Variants in COL24A1 observed in about 807,000 individuals in gnomAD.
COL24A1 encodes the protein collagen alpha-1(XXIV) chain.
A neutral mutation model predicts 253.9 loss-of-function variants in COL24A1; 224 were observed. The ratio of observed to expected loss-of-function variants is 0.88; its 90% confidence interval spans 0.79 to 0.99. The LOEUF is 0.99. COL24A1 is among the 50% of genes least tolerant of loss of function. COL24A1 has a pLI of 0.00. For missense variants in COL24A1, 2,131 were observed against 2,068.5 expected, an observed-to-expected ratio of 1.03 and a Z score of -0.59; for synonymous variants, 685 against 673.7, an observed-to-expected ratio of 1.02 and a Z score of -0.26.
At chr1:86,072,456 G>A (rs967760414) in intron 7 of COL24A1, among the ~76,000 whole-genome samples, 15 of 152,130 alleles carry the variant, frequency 9.9e-5, no homozygotes, top group Admixed American at 8.5e-4. Flanking sequence ...TCCTCTCTGC[G>A]CAGGGCATCT....
At chr1:85,782,351 G>A (rs1179832729) in intron 51 of COL24A1, among the ~76,000 whole-genome samples, 1 of 152,196 alleles carries the variant, frequency 6.6e-6, no homozygotes, top group Non-Finnish European at 1.5e-5. Context: ...GCCTCCCAAA[G>A]TGCTGGGATT....
In COL24A1 at chr1:85,967,980, A is replaced by G. The variant is rs537921664; in HGVS notation, c.2463+2247T>C. ...ATCCACTCTTAATCTGGTGGGCACA[A>G]TCTAATAAGCTGCCAGTGAATATAA... On this transcript the variant is annotated intron_variant, in intron 22 of 59. Coordinates refer to ENST00000370571, the MANE Select transcript of COL24A1 (RefSeq NM_152890.7). Among the ~76,000 whole-genome samples the G allele has an allele frequency of 1.3e-3, 199 of 152,302 alleles. 1 individual carries two copies. Among genetic ancestry groups the G allele is most frequent in the African/African-American group, 4.6e-3 (191 of 41,572 alleles).
chr1:85,965,445 T>C (rs946970526), intron 22 of COL24A1, among the ~76,000 whole-genome samples: 2 of 151,868 alleles, frequency 1.3e-5, no homozygotes, highest in African/African-American at 4.8e-5. Flanking sequence ...TTATTGAAAG[T>C]GTTTGTAAGA....
At chr1:85,856,032 T>C (rs1245938228) in intron 37 of COL24A1, among the ~76,000 whole-genome samples, 3 of 152,176 alleles carry the variant, frequency 2.0e-5, no homozygotes, top group Non-Finnish European at 2.9e-5. Flanking sequence ...GTGGTATTGA[T>C]GGTAACATCC....
At chr1:85,826,178 G>C (rs1251140824) in intron 43 of COL24A1, among the ~76,000 whole-genome samples, 1 of 139,684 alleles carries the variant, frequency 7.2e-6, no homozygotes, top group East Asian at 2.1e-4. Flanking sequence ...TTATGAAATA[G>C]GGAATCCTTT....
intron 20 of COL24A1, 101 bp from the exon 21 acceptor site, chr1:85,971,494 T>C (rs1692166021): frequency 2.0e-6 from 2 of 987,578 alleles, no homozygotes; most frequent in Non-Finnish European, 3.0e-6. Flanking sequence ...TTTGAAACCA[T>C]TCATTTCCCA....
At chr1:85,967,682 C>G (rs913909177) in intron 22 of COL24A1, among the ~76,000 whole-genome samples, 11 of 152,144 alleles carry the variant, frequency 7.2e-5, no homozygotes, top group African/African-American at 2.7e-4. Flanking sequence ...CAGGATGAAA[C>G]TGGTCCACCT....
intron 47 of COL24A1, among the ~76,000 whole-genome samples, chr1:85,800,388 T>C (rs541913482): frequency 2.6e-5 from 4 of 152,322 alleles, no homozygotes; most frequent in African/African-American, 9.6e-5. Flanking sequence ...GATTCTTTGC[T>C]AAAGTTACTG....
At position 85,732,452 on chromosome 1, in the gene COL24A1, A is replaced by T. The variant is rs1222322511; in HGVS notation, c.4999-1760T>A. Among the ~76,000 whole-genome samples, 5 of 151,596 alleles carry T rather than the reference A, an allele frequency of 3.3e-5. No homozygotes were observed. In the South Asian group the frequency reaches 6.3e-4, roughly 19 times the overall value. On this transcript the variant is annotated intron_variant, in intron 59 of 59. Coordinates refer to ENST00000370571, the MANE Select transcript of COL24A1 (RefSeq NM_152890.7). ...CACCGTGTTAGCCAGGATGGTCTCG[A>T]TCTCCTGATCTTGTTATCTGCCTGC...
intron 10 of COL24A1, among the ~76,000 whole-genome samples, chr1:86,055,077 T>C (rs1321152726): frequency 6.6e-6 from 1 of 152,048 alleles, no homozygotes; most frequent in East Asian, 1.9e-4. Context: ...CACTTATAAA[T>C]GGGAGCTGAA....
At position 85,823,521 on chromosome 1, in the gene COL24A1, A is replaced by G; in HGVS notation, c.3789+15T>C. 6.2e-7 allele frequency: 1 copy of G among 1,613,384 alleles called. No individual in the cohort carries two copies. The highest frequency in any genetic ancestry group is 1.7e-5 in the Admixed American group (1 of 59,920). ...AACAATACATCTCAAATTGCCTTAAATAATTTCAACTTACTTCAGATCCTC... is the reference window on the plus strand; with the variant it reads ...AACAATACATCTCAAATTGCCTTAAGTAATTTCAACTTACTTCAGATCCTC... On this transcript the variant is annotated intron_variant, in intron 45 of 59. Coordinates refer to ENST00000370571, the MANE Select transcript of COL24A1 (RefSeq NM_152890.7).
intron 32 of COL24A1, among the ~76,000 whole-genome samples, chr1:85,887,882 T>A (rs1373038646): frequency 6.6e-6 from 1 of 152,156 alleles, no homozygotes; most frequent in Non-Finnish European, 1.5e-5. Context: ...CTCACTTCTA[T>A]ACTCTTTCCA....
chr1:85,953,338 A>T (rs1418569040), intron 24 of COL24A1, among the ~76,000 whole-genome samples: 1 of 152,222 alleles, frequency 6.6e-6, no homozygotes, highest in East Asian at 1.9e-4. Flanking sequence ...CTAAGAGAAT[A>T]GTAACATGTT....
At chr1:86,147,033 C>G (rs1192422054) in intron 1 of COL24A1, among the ~76,000 whole-genome samples, 1 of 151,870 alleles carries the variant, frequency 6.6e-6, no homozygotes, top group Non-Finnish European at 1.5e-5. Flanking sequence ...TAATATAGAC[C>G]CTGATTCTGT....
chr1:85,857,309 T>A (rs1352356751), intron 37 of COL24A1, among the ~76,000 whole-genome samples: 2 of 151,746 alleles, frequency 1.3e-5, no homozygotes, highest in Non-Finnish European at 2.9e-5. Context: ...GGGTGATCAC[T>A]ACTCTAGGAA....
chr1:85,797,103 A>G (rs1670898139), intron 47 of COL24A1, among the ~76,000 whole-genome samples: 1 of 145,814 alleles, frequency 6.9e-6, no homozygotes. Context: ...GCTACTCGGG[A>G]GGCTGACGCA....
intron 7 of COL24A1, among the ~76,000 whole-genome samples, chr1:86,073,083 ACTC>A (rs1450099727): frequency 2.0e-5 from 3 of 151,964 alleles, no homozygotes; most frequent in African/African-American, 7.3e-5. Flanking sequence ...GAGGATCACA[ACTC>A]CTCGCCAGCA....
chr1:86,034,634 G>A lies in COL24A1; in HGVS notation c.1951-711C>T, dbSNP rs1018171962. ...TTAAGTACAGTTTTATTAAGGAAAC[G>A]AATAATACACATAAATACTACAAAT... On this transcript the variant is annotated intron_variant, in intron 12 of 59. Transcript: ENST00000370571. Among the ~76,000 whole-genome samples the A allele has an allele frequency of 7.2e-5, 11 of 151,988 alleles. No homozygotes were observed. The East Asian group carries it at 1.5e-3, about 21-fold the overall frequency.
intron 19 of COL24A1, among the ~76,000 whole-genome samples, chr1:85,989,017 C>T (rs1693984940): frequency 6.6e-6 from 1 of 152,074 alleles, no homozygotes; most frequent in African/African-American, 2.4e-5. Flanking sequence ...TCAGGCTCAC[C>T]TATGCTATTA....
Sources: gnomAD v4.1 joint callset for allele counts (sites outside exome capture counted in the v4.1 genomes callset) on GRCh38, gnomAD v4.1.1 for gene constraint, MANE v1.5 for transcripts, NCBI Gene and HGNC (gene_info 2026-07-23, HGNC 2026-07-21) for gene names.